The following MIR17HG variants were observed in gnomAD, a reference collection of about 807,000 sequenced individuals.
The protein encoded by MIR17HG is MIR17 host gene (non-protein coding).
At chr13:91,350,363 A>G (rs919918233) in intron 3 of MIR17HG, 1 of 303,526 alleles carries the variant, frequency 3.3e-6, no homozygotes, top group Non-Finnish European at 6.5e-6. Flanking sequence ...CACCACTTCC[A>G]GTGCTAGTTG....
At chr13:91,350,462 T>C in intron 3 of MIR17HG, 6 of 399,160 alleles carry the variant, frequency 1.5e-5, no homozygotes, top group South Asian at 9.4e-5. Context: ...ATAATTAAAC[T>C]AATTTTTTCT....
At chr13:91,348,166 G>GCAGGGCAGGGCCGGGGCGGGAGGGCA (rs10630963) in intron 1 of MIR17HG, among the ~76,000 whole-genome samples, 2 of 136,292 alleles carry the variant, frequency 1.5e-5, no homozygotes, top group African/African-American at 5.5e-5. Context: ...CCGGCGGAGG[G>GCAGGGCAGGGCCGGGGCGGGAGGGCA]GGGCAGGGCC....
chr13:91,349,434 G>T (rs1204898198), intron 1 of MIR17HG, among the ~76,000 whole-genome samples: 9 of 151,882 alleles, frequency 5.9e-5, no homozygotes, highest in African/African-American at 2.2e-4. Context: ...GATTGCTGCT[G>T]ATCATAATCA....
intron 3 of MIR17HG, chr13:91,350,494 A>G: frequency 2.0e-6 from 1 of 490,134 alleles, no homozygotes. Flanking sequence ...GATTATGCTG[A>G]ATTTGTATGG....
intron 1 of MIR17HG, among the ~76,000 whole-genome samples, chr13:91,348,921 C>T (rs908566073): frequency 4.7e-5 from 7 of 149,048 alleles, no homozygotes; most frequent in African/African-American, 1.7e-4. Flanking sequence ...CTGGGCCGGG[C>T]TCGGGGGGGC....
At chr13:91,348,043 G>A (rs1566341689) in intron 1 of MIR17HG, 2 of 150,520 alleles carry the variant, frequency 1.3e-5, no homozygotes. Context: ...GCGGCCCGGG[G>A]CGGACTGGCC....
rs1473236420 is a variant in MIR17HG, at chr13:91,348,986, G to C, written n.141-712G>C. 2.7e-5 allele frequency among the ~76,000 whole-genome samples: 4 copies of C among 150,394 alleles called. No homozygotes were observed. The South Asian group carries it at 6.2e-4, about 23-fold the overall frequency. On this transcript the variant is annotated intron_variant and non_coding_transcript_variant, in intron 1 of 3. Transcript: ENST00000400282. ...CGCGTCCCCGCCGCACTCGGGCCTCGGCGCCGCCGGTCGCCGCGCGGCTGC... is the reference window on the plus strand; with the variant it reads ...CGCGTCCCCGCCGCACTCGGGCCTCCGCGCCGCCGGTCGCCGCGCGGCTGC...
At chr13:91,349,568 T>TA (rs1875180752) in intron 1 of MIR17HG, 1 of 152,250 alleles carries the variant, frequency 6.6e-6, no homozygotes, top group Non-Finnish European at 1.5e-5. Flanking sequence ...GCTCGACTCT[T>TA]ACTCTCACAA....
At chr13:91,352,247 T>C (rs1875351749) in intron 3 of MIR17HG, 1 of 152,218 alleles carries the variant, frequency 6.6e-6, no homozygotes, top group African/African-American at 2.4e-5. Context: ...AACTAAGAAG[T>C]GGCAGTTAGT....
intron 1 of MIR17HG, among the ~76,000 whole-genome samples, chr13:91,349,099 G>C (rs955577637): frequency 1.3e-5 from 2 of 152,002 alleles, no homozygotes; most frequent in African/African-American, 4.8e-5. Context: ...GAGAATCGCA[G>C]GGCCGCGCTC....
chr13:91,354,482 T>G (rs1314227501), exon 4 of MIR17HG: 3 of 152,222 alleles, frequency 2.0e-5, no homozygotes, highest in Non-Finnish European at 4.4e-5. Flanking sequence ...CTGTTTGAGT[T>G]CTAGCGCATT....
At chr13:91,351,327 T>C (rs887397729) in intron 3 of MIR17HG, 2 of 531,920 alleles carry the variant, frequency 3.8e-6, no homozygotes, top group Admixed American at 1.9e-5. Flanking sequence ...TCTACACAGG[T>C]TGGGATCGGT....
chr13:91,350,957 A>C (rs755092873), intron 3 of MIR17HG: 3 of 532,740 alleles, frequency 5.6e-6, no homozygotes, highest in South Asian at 4.2e-5. Flanking sequence ...TCTATGCAAA[A>C]CTGATGGTGG....
intron 1 of MIR17HG, among the ~76,000 whole-genome samples, chr13:91,348,494 G>T (rs1056609303): frequency 6.6e-6 from 1 of 151,320 alleles, no homozygotes; most frequent in Non-Finnish European, 1.5e-5. Flanking sequence ...AGCGGGCGGC[G>T]TGGCGTGGGC....
intron 3 of MIR17HG, among the ~76,000 whole-genome samples, chr13:91,352,780 GTTA>G (rs1207058469): frequency 6.6e-6 from 1 of 152,050 alleles, no homozygotes; most frequent in Non-Finnish European, 1.5e-5. Context: ...TGTCTTTTTG[GTTA>G]TTTAGTGACA....
exon 4 of MIR17HG, chr13:91,354,032 A>G (rs1875453540): frequency 6.6e-6 from 1 of 152,616 alleles, no homozygotes; most frequent in African/African-American, 2.4e-5. Flanking sequence ...CTGGAGAACA[A>G]CTCAGTGTCA....
intron 1 of MIR17HG, among the ~76,000 whole-genome samples, chr13:91,348,949 G>A (rs1875125586): frequency 6.7e-6 from 1 of 149,424 alleles, no homozygotes; most frequent in Non-Finnish European, 1.5e-5. Flanking sequence ...CACAAAGGAG[G>A]GGCGGCGCGC....
chr13:91,350,340 C>A (rs1228715304), intron 3 of MIR17HG: 5 of 284,126 alleles, frequency 1.8e-5, no homozygotes, highest in Non-Finnish European at 3.5e-5. Flanking sequence ...GAGAGGCCAG[C>A]CATTGGAAGA....
At chr13:91,350,556 T>C (rs751158797) in intron 3 of MIR17HG, 1 of 532,814 alleles carries the variant, frequency 1.9e-6, no homozygotes, top group African/African-American at 1.9e-5. Flanking sequence ...ATTTCAAATT[T>C]AGCAGGAAAA....
Sources: gnomAD v4.1 joint callset for allele counts (sites outside exome capture counted in the v4.1 genomes callset) on GRCh38, gnomAD v4.1.1 for gene constraint, MANE v1.5 for transcripts, NCBI Gene and HGNC (gene_info 2026-07-23, HGNC 2026-07-21) for gene names.